The following ARL15 variants were observed in gnomAD, a reference collection of about 807,000 sequenced individuals.
ARL15 encodes ADP-ribosylation factor-like protein 15.
ARL15 carries 19 observed loss-of-function variants against 25.2 expected under a neutral mutation model. That is an observed-to-expected ratio of 0.75 (90% confidence interval 0.53 to 1.10). ARL15 has a LOEUF of 1.10. ARL15 is among the 50% of genes least tolerant of loss of function. The pLI is 0.00. For missense variants in ARL15, 220 were observed against 246.0 expected (o/e 0.89, Z 0.71); for synonymous variants, 94 against 86.8 (o/e 1.08, Z -0.46).
At chr5:53,954,767 T>G (rs893995615) in intron 4 of ARL15, among the ~76,000 whole-genome samples, 2 of 152,150 alleles carry the variant, frequency 1.3e-5, no homozygotes, top group Non-Finnish European at 2.9e-5. Flanking sequence ...TACTGCTAAC[T>G]AGGACCACAC....
intron 4 of ARL15, among the ~76,000 whole-genome samples, chr5:53,896,099 T>C (rs576363861): frequency 5.6e-4 from 85 of 152,334 alleles, no homozygotes; most frequent in African/African-American, 1.9e-3. Context: ...AATGGCACCA[T>C]GTCGGCTTGC....
chr5:54,091,958 A>G (rs1290455085), intron 4 of ARL15, among the ~76,000 whole-genome samples: 2 of 151,876 alleles, frequency 1.3e-5, no homozygotes, highest in African/African-American at 4.8e-5. Flanking sequence ...GGAAAATGAG[A>G]CATCCCAAGT....
intron 1 of ARL15, among the ~76,000 whole-genome samples, chr5:54,178,252 T>C (rs569257480): frequency 2.6e-5 from 4 of 152,356 alleles, no homozygotes; most frequent in East Asian, 1.9e-4. Context: ...TTTGTTTCAA[T>C]TGATGCTCTG....
chr5:53,942,475 C>T (rs1055936443), intron 4 of ARL15, among the ~76,000 whole-genome samples: 8 of 152,284 alleles, frequency 5.3e-5, no homozygotes, highest in African/African-American at 1.2e-4. Context: ...GGACCAGGCG[C>T]GGTGGCTCAT....
chr5:54,191,808 CTA>C (rs1314974213), intron 1 of ARL15, among the ~76,000 whole-genome samples: 1 of 152,140 alleles, frequency 6.6e-6, no homozygotes, highest in Non-Finnish European at 1.5e-5. Flanking sequence ...TCCGTATAGT[CTA>C]TTTACAGCAC....
At chr5:53,964,286 T>TA (rs1039923195) in intron 4 of ARL15, among the ~76,000 whole-genome samples, 12 of 152,322 alleles carry the variant, frequency 7.9e-5, no homozygotes, top group Non-Finnish European at 1.3e-4. Context: ...TCCTTTTGTT[T>TA]AAAAAAATTA....
chr5:54,196,770 T>C (rs2112470421), intron 1 of ARL15, among the ~76,000 whole-genome samples: 1 of 152,286 alleles, frequency 6.6e-6, no homozygotes, highest in East Asian at 1.9e-4. Flanking sequence ...TGCAGTGGGA[T>C]ATATTGAATT....
rs1188888111 is a variant in ARL15, at chr5:54,268,885, G to A, written c.48+41547C>T. Reference sequence around the variant, plus strand: ...GCACATATATACCATGGAATACTACGCAGCCATAAAAAATGATGAGTTCAT... The same window carrying A: ...GCACATATATACCATGGAATACTACACAGCCATAAAAAATGATGAGTTCAT... On this transcript the variant is annotated intron_variant, in intron 1 of 4. Transcript: ENST00000504924. Among the ~76,000 whole-genome samples, 10 of 152,194 alleles carry A rather than the reference G, an allele frequency of 6.6e-5. No homozygotes were observed. In the East Asian group the frequency reaches 7.7e-4, roughly 12 times the overall value.
chr5:54,025,951 C>T (rs536228325), intron 4 of ARL15, among the ~76,000 whole-genome samples: 314 of 152,248 alleles, frequency 2.1e-3, no homozygotes, highest in African/African-American at 7.2e-3. Flanking sequence ...CCTATAATAG[C>T]CTCTACCAAG....
chr5:54,070,294 A>C (rs1325624244), intron 4 of ARL15, among the ~76,000 whole-genome samples: 2 of 151,846 alleles, frequency 1.3e-5, no homozygotes, highest in African/African-American at 2.4e-5. Context: ...TGGGAGGCTG[A>C]GGCAGGAGAA....
At chr5:53,960,727 A>T (rs1002487887) in intron 4 of ARL15, among the ~76,000 whole-genome samples, 2 of 152,176 alleles carry the variant, frequency 1.3e-5, no homozygotes, top group Non-Finnish European at 2.9e-5. Flanking sequence ...GTGAGGGTTA[A>T]GTGATTCTTC....
intron 1 of ARL15, among the ~76,000 whole-genome samples, chr5:54,246,638 A>C (rs180855547): frequency 2.0e-5 from 3 of 152,196 alleles, no homozygotes; most frequent in African/African-American, 7.2e-5. Context: ...CAAGGCTTTT[A>C]TCTCTTACAT....
At chr5:53,934,084 C>T (rs3756492) in intron 4 of ARL15, among the ~76,000 whole-genome samples, 11,901 of 152,216 alleles carry the variant, frequency 0.078, 719 homozygotes, top group East Asian at 0.33. Flanking sequence ...AAAAGACTTT[C>T]TGATAGATGT....
intron 4 of ARL15, among the ~76,000 whole-genome samples, chr5:54,040,114 A>T (rs773504552): frequency 1.6e-3 from 237 of 152,260 alleles, no homozygotes; most frequent in Non-Finnish European, 2.8e-3. Flanking sequence ...CCAAATTCTA[A>T]TTTTTTGTTC....
intron 4 of ARL15, among the ~76,000 whole-genome samples, chr5:54,006,925 T>C (rs1020483903): frequency 1.3e-5 from 2 of 152,080 alleles, no homozygotes; most frequent in African/African-American, 4.8e-5. Context: ...ACCCTGTCTC[T>C]ACTAAAAAAA....
At chr5:53,944,916 G>T (rs1040909673) in intron 4 of ARL15, among the ~76,000 whole-genome samples, 2 of 152,214 alleles carry the variant, frequency 1.3e-5, no homozygotes, top group African/African-American at 4.8e-5. Context: ...ACTATGCAGA[G>T]ACAGGCCAAT....
intron 4 of ARL15, among the ~76,000 whole-genome samples, chr5:54,024,730 C>T (rs1024792690): frequency 7.2e-5 from 11 of 152,002 alleles, no homozygotes; most frequent in Non-Finnish European, 1.6e-4. Context: ...CAATAACAAC[C>T]TATTACTCAA....
At chr5:53,916,293 TA>T (rs3055337) in intron 4 of ARL15, among the ~76,000 whole-genome samples, 4 of 141,948 alleles carry the variant, frequency 2.8e-5, no homozygotes, top group East Asian at 2.0e-4. Context: ...AATGTAATAT[TA>T]AAAAAAAAAA....
At chr5:54,258,067 G>A (rs554437971) in intron 1 of ARL15, among the ~76,000 whole-genome samples, 23 of 151,646 alleles carry the variant, frequency 1.5e-4, no homozygotes, top group African/African-American at 3.6e-4. Flanking sequence ...AGTGGCTCAC[G>A]ACTGTAATCC....
Sources: allele counts gnomAD v4.1 joint callset (sites outside exome capture counted in the v4.1 genomes callset), GRCh38; gene constraint gnomAD v4.1.1; transcripts MANE v1.5; gene names NCBI Gene and HGNC (gene_info 2026-07-23, HGNC 2026-07-21).